The following EXOC4 variants were observed in gnomAD, a reference collection of about 807,000 sequenced individuals.
EXOC4 encodes the protein exocyst complex component 4, also known as SEC8-like 1.
A neutral mutation model predicts 107.2 loss-of-function variants in EXOC4; 71 were observed. The observed-to-expected ratio is 0.66, with a 90% confidence interval of 0.55 to 0.81. The LOEUF (loss-of-function observed/expected upper bound fraction) is 0.81. EXOC4 is among the 30% of genes least tolerant of loss of function. EXOC4 has a pLI of 0.00. For synonymous variants in EXOC4, 456 were observed against 441.2 expected (o/e 1.03, Z -0.42); for missense variants, 1,108 against 1,189.6 (o/e 0.93, Z 1.01).
chr7:133,631,319 A>G (rs1221748991), intron 10 of EXOC4, among the ~76,000 whole-genome samples: 1 of 152,088 alleles, frequency 6.6e-6, no homozygotes, highest in Non-Finnish European at 1.5e-5. Context: ...CAGATATAAT[A>G]TTATGTATAT....
intron 13 of EXOC4, among the ~76,000 whole-genome samples, chr7:133,932,663 G>C (rs1409339668): frequency 6.6e-6 from 1 of 152,134 alleles, no homozygotes; most frequent in Non-Finnish European, 1.5e-5. Flanking sequence ...TTCCCAAGAA[G>C]AAAGACATTC....
intron 5 of EXOC4, among the ~76,000 whole-genome samples, chr7:133,331,051 C>T (rs1795374965): frequency 1.3e-5 from 2 of 151,888 alleles, no homozygotes; most frequent in African/African-American, 2.4e-5. Flanking sequence ...ATTACTGTTA[C>T]AATTATTATA....
chr7:133,473,864 C>CT (rs1009900971), intron 7 of EXOC4, among the ~76,000 whole-genome samples: 2 of 148,472 alleles, frequency 1.3e-5, no homozygotes, highest in African/African-American at 5.3e-5. Context: ...CCATGCCCGG[C>CT]TAATTTTTTG....
chr7:133,340,060 G>A (rs916897363), intron 5 of EXOC4, among the ~76,000 whole-genome samples: 2 of 152,140 alleles, frequency 1.3e-5, no homozygotes, highest in East Asian at 1.9e-4. Context: ...AACAGAAGAC[G>A]TGAAACTGGA....
intron 9 of EXOC4, among the ~76,000 whole-genome samples, chr7:133,548,340 T>G (rs948615986): frequency 7.2e-5 from 11 of 152,138 alleles, no homozygotes; most frequent in Admixed American, 2.6e-4. Flanking sequence ...GGCCCTAGGA[T>G]TTTTAGAATG....
At chr7:133,310,051 A>G (rs1404016540) in intron 4 of EXOC4, among the ~76,000 whole-genome samples, 1 of 152,230 alleles carries the variant, frequency 6.6e-6, no homozygotes, top group East Asian at 1.9e-4. Flanking sequence ...TTGGATAGGT[A>G]GGAGAAAGGA....
chr7:133,968,614 G>T (rs566359973), intron 14 of EXOC4, among the ~76,000 whole-genome samples: 6 of 152,212 alleles, frequency 3.9e-5, no homozygotes, highest in African/African-American at 1.4e-4. Context: ...AGTTTGGCTG[G>T]ATATGAAATT....
At chr7:133,941,691 T>C (rs1429604402) in intron 14 of EXOC4, among the ~76,000 whole-genome samples, 1 of 152,138 alleles carries the variant, frequency 6.6e-6, no homozygotes, top group Non-Finnish European at 1.5e-5. Flanking sequence ...ATTCTTTCAG[T>C]TGAAAGTCAC....
intron 5 of EXOC4, among the ~76,000 whole-genome samples, chr7:133,352,559 A>G (rs1795935369): frequency 6.6e-6 from 1 of 152,020 alleles, no homozygotes; most frequent in Non-Finnish European, 1.5e-5. Context: ...CTTTGTAGAC[A>G]GCATATAATT....
intron 7 of EXOC4, among the ~76,000 whole-genome samples, chr7:133,429,829 C>A (rs573397788): frequency 1.3e-5 from 2 of 152,350 alleles, no homozygotes; most frequent in South Asian, 4.1e-4. Flanking sequence ...ATTCCCTTGA[C>A]CCCCTCATGG....
At chr7:134,049,328 A>G (rs1795728461) in intron 17 of EXOC4, among the ~76,000 whole-genome samples, 1 of 152,144 alleles carries the variant, frequency 6.6e-6, no homozygotes, top group South Asian at 2.1e-4. Context: ...TGAAAGTCCA[A>G]AATCTTAGCA....
intron 3 of EXOC4, 109 bp downstream of exon 3, chr7:133,289,225 T>A: frequency 1.1e-6 from 1 of 877,656 alleles, no homozygotes; most frequent in Non-Finnish European, 1.7e-6. Flanking sequence ...ACTGCCCTCT[T>A]GGGATTCATG....
At chr7:133,387,486 CT>C (rs1481605348) in intron 7 of EXOC4, among the ~76,000 whole-genome samples, 6 of 152,106 alleles carry the variant, frequency 3.9e-5, no homozygotes, top group African/African-American at 1.4e-4. Context: ...ATTCCTATTT[CT>C]GACTTGAACA....
chr7:134,044,799 G>A (rs1795608631), intron 17 of EXOC4, among the ~76,000 whole-genome samples: 2 of 152,260 alleles, frequency 1.3e-5, no homozygotes, highest in South Asian at 2.1e-4. Flanking sequence ...CTTTACAATC[G>A]ACATAGGGCT....
intron 7 of EXOC4, among the ~76,000 whole-genome samples, chr7:133,431,500 C>T (rs1797856131): frequency 6.6e-6 from 1 of 152,208 alleles, no homozygotes; most frequent in Non-Finnish European, 1.5e-5. Flanking sequence ...AACTAATTAT[C>T]TGAAAGTGAG....
intron 3 of EXOC4, among the ~76,000 whole-genome samples, chr7:133,295,182 A>T (rs1166825146): frequency 2.6e-5 from 4 of 152,120 alleles, no homozygotes; most frequent in Non-Finnish European, 4.4e-5. Flanking sequence ...GTAGGGTTGG[A>T]TTAAGCAGTT....
At chr7:133,323,999 A>G (rs1795176263) in intron 5 of EXOC4, among the ~76,000 whole-genome samples, 1 of 152,158 alleles carries the variant, frequency 6.6e-6, no homozygotes, top group African/African-American at 2.4e-5. Context: ...TTATTTGCAT[A>G]GAGGTGTTTA....
chr7:133,650,076 C>G (rs897958750), intron 10 of EXOC4, among the ~76,000 whole-genome samples: 1 of 151,860 alleles, frequency 6.6e-6, no homozygotes, highest in African/African-American at 2.4e-5. Flanking sequence ...TACTCTGAAC[C>G]AGCTTGGAAT....
intron 10 of EXOC4, among the ~76,000 whole-genome samples, chr7:133,762,064 T>C (rs1186238374): frequency 6.6e-6 from 1 of 152,176 alleles, no homozygotes; most frequent in Non-Finnish European, 1.5e-5. Context: ...TAAATGTCAT[T>C]GGGTACTTGG....
Sources: allele counts gnomAD v4.1 joint callset (sites outside exome capture counted in the v4.1 genomes callset), GRCh38; gene constraint gnomAD v4.1.1; transcripts MANE v1.5; gene names NCBI Gene and HGNC (gene_info 2026-07-23, HGNC 2026-07-21).